CNTNAP2: variants seen among roughly 807,000 people sequenced by gnomAD.
CNTNAP2 encodes the protein contactin associated protein 2.
CNTNAP2 carries 98 observed loss-of-function variants against 155.2 expected under a neutral mutation model. The ratio of observed to expected loss-of-function variants is 0.63; its 90% CI spans 0.54 to 0.75. The LOEUF is 0.75. Among genes scored for constraint, CNTNAP2 ranks in the 30% least tolerant of loss-of-function variants. The pLI, the probability that CNTNAP2 is intolerant of heterozygous loss-of-function variation, is 0.00. For missense variants in CNTNAP2, 1,727 were observed against 1,688.1 expected (o/e 1.02, Z -0.40); for synonymous variants, 651 against 631.2 (o/e 1.03, Z -0.47).
intron 1 of CNTNAP2, among the ~76,000 whole-genome samples, chr7:146,444,099 C>T (rs980644635): frequency 6.6e-6 from 1 of 152,146 alleles, no homozygotes; most frequent in Non-Finnish European, 1.5e-5. Context: ...GTGGCACAAC[C>T]TCGGCTCCCT....
At chr7:147,648,270 G>A (rs1795399467) in intron 13 of CNTNAP2, among the ~76,000 whole-genome samples, 1 of 152,062 alleles carries the variant, frequency 6.6e-6, no homozygotes, top group Admixed American at 6.6e-5. Flanking sequence ...AATTTGCTTT[G>A]GTAAAGAACA....
chr7:147,236,860 G>C (rs1279412456), intron 8 of CNTNAP2, among the ~76,000 whole-genome samples: 1 of 151,640 alleles, frequency 6.6e-6, no homozygotes. Flanking sequence ...ACCCTCTATT[G>C]CTCACCTTCC....
At chr7:147,163,120 C>T (rs558427642) in intron 8 of CNTNAP2, among the ~76,000 whole-genome samples, 64 of 152,276 alleles carry the variant, frequency 4.2e-4, no homozygotes, top group African/African-American at 1.5e-3. Context: ...ACATCCCAGG[C>T]TGTTATATCT....
chr7:147,607,120 C>T (rs1323796921), intron 12 of CNTNAP2, among the ~76,000 whole-genome samples: 2 of 152,124 alleles, frequency 1.3e-5, no homozygotes, highest in Non-Finnish European at 2.9e-5. Flanking sequence ...GTTGCTAAGG[C>T]TCCTCACAAT....
intron 1 of CNTNAP2, among the ~76,000 whole-genome samples, chr7:146,482,594 T>A (rs534143965): frequency 6.6e-6 from 1 of 151,408 alleles, no homozygotes; most frequent in South Asian, 2.1e-4. Context: ...AATACAGAAA[T>A]TAGCTGGGCG....
chr7:148,227,646 T>C (rs1468294908), intron 19 of CNTNAP2, among the ~76,000 whole-genome samples: 1 of 152,188 alleles, frequency 6.6e-6, no homozygotes, highest in Non-Finnish European at 1.5e-5. Flanking sequence ...TGAGGGAATT[T>C]AGATAGATTT....
chr7:147,305,357 GA>G (rs1320521147), intron 9 of CNTNAP2, among the ~76,000 whole-genome samples: 1 of 152,084 alleles, frequency 6.6e-6, no homozygotes, highest in Non-Finnish European at 1.5e-5. Context: ...TTTATTATAG[GA>G]AAATACCAAC....
intron 12 of CNTNAP2, among the ~76,000 whole-genome samples, chr7:147,636,883 G>A (rs1185837886): frequency 6.6e-6 from 1 of 152,182 alleles, no homozygotes; most frequent in Non-Finnish European, 1.5e-5. Flanking sequence ...GAGAGCAGCT[G>A]TAGAATAGGA....
chr7:147,326,190 C>T lies in CNTNAP2; in HGVS notation c.1498+25900C>T, dbSNP rs553865949. Among the ~76,000 whole-genome samples, 10 of 152,338 alleles carry T rather than the reference C, an allele frequency of 6.6e-5. No homozygotes were observed. The South Asian group carries it at 1.9e-3, about 28-fold the overall frequency. ...CCGCCCGCCTTGGCCTCCCAAAGTG[C>T]TGGGATTACAGGCGTTAGCCACTGC... On this transcript the variant is annotated intron_variant, in intron 9 of 23. Coordinates refer to ENST00000361727, the MANE Select transcript of CNTNAP2 (RefSeq NM_014141.6).
intron 3 of CNTNAP2, among the ~76,000 whole-genome samples, chr7:146,982,088 C>T (rs1439503935): frequency 6.6e-6 from 1 of 152,068 alleles, no homozygotes; most frequent in East Asian, 1.9e-4. Flanking sequence ...CTTTGATTTT[C>T]CCTCACCATT....
At chr7:147,880,110 T>C (rs1187371596) in intron 13 of CNTNAP2, among the ~76,000 whole-genome samples, 1 of 152,202 alleles carries the variant, frequency 6.6e-6, no homozygotes, top group Non-Finnish European at 1.5e-5. Flanking sequence ...GCAAAGCAGA[T>C]GGATTTCTTT....
chr7:147,537,344 C>G (rs1799560807), intron 11 of CNTNAP2, among the ~76,000 whole-genome samples: 1 of 152,116 alleles, frequency 6.6e-6, no homozygotes, highest in Admixed American at 6.5e-5. Flanking sequence ...GCTTGGAACT[C>G]TTATATAATC....
At chr7:148,253,074 T>TAGATAG (rs1376262558) in intron 20 of CNTNAP2, among the ~76,000 whole-genome samples, 2 of 151,646 alleles carry the variant, frequency 1.3e-5, no homozygotes, top group African/African-American at 4.9e-5. Context: ...GATAGATAGA[T>TAGATAG]ATTGATTGAT....
At chr7:146,367,848 A>G (rs2129102155) in intron 1 of CNTNAP2, among the ~76,000 whole-genome samples, 1 of 152,218 alleles carries the variant, frequency 6.6e-6, no homozygotes, top group Admixed American at 6.5e-5. Context: ...GATAAAATGA[A>G]TTTTCCACAA....
chr7:146,458,241 C>G (rs1796586026), intron 1 of CNTNAP2, among the ~76,000 whole-genome samples: 1 of 152,102 alleles, frequency 6.6e-6, no homozygotes, highest in Admixed American at 6.5e-5. Flanking sequence ...ACTACCATCT[C>G]ACATGTTTAC....
At chr7:146,744,989 A>G (rs1801785408) in intron 1 of CNTNAP2, among the ~76,000 whole-genome samples, 1 of 152,198 alleles carries the variant, frequency 6.6e-6, no homozygotes, top group Non-Finnish European at 1.5e-5. Context: ...TCAACTCCCT[A>G]ATCCAATCCT....
At chr7:146,513,899 G>A (rs945824275) in intron 1 of CNTNAP2, among the ~76,000 whole-genome samples, 13 of 151,956 alleles carry the variant, frequency 8.6e-5, no homozygotes, top group East Asian at 5.8e-4. Flanking sequence ...CTCAGCTTCC[G>A]TTTTCTGGGA....
chr7:147,638,927 T>A (rs1795229157), intron 12 of CNTNAP2, 179 bp from the exon 13 acceptor site: 1 of 716,542 alleles, frequency 1.4e-6, no homozygotes, highest in African/African-American at 1.8e-5. Flanking sequence ...TACTTTGTCC[T>A]CATAAGCAGA....
intron 15 of CNTNAP2, among the ~76,000 whole-genome samples, chr7:148,090,275 AG>A (rs551151247): frequency 2.2e-3 from 330 of 152,236 alleles, no homozygotes; most frequent in African/African-American, 7.5e-3. Flanking sequence ...CAAACTAAAA[AG>A]CTTCTGCACA....
Sources: gnomAD v4.1 joint callset for allele counts (sites outside exome capture counted in the v4.1 genomes callset) on GRCh38, gnomAD v4.1.1 for gene constraint, MANE v1.5 for transcripts, NCBI Gene and HGNC (gene_info 2026-07-23, HGNC 2026-07-21) for gene names.